CNTN5: variants seen among roughly 807,000 people sequenced by gnomAD.
CNTN5 encodes the protein contactin 5.
A neutral mutation model predicts 129.1 loss-of-function variants in CNTN5; 77 were observed. That is an observed-to-expected ratio of 0.60 (90% CI 0.50 to 0.72). The LOEUF (loss-of-function observed/expected upper bound fraction) is 0.72. Among genes scored for constraint, CNTN5 ranks in the 30% least tolerant of loss-of-function variants. CNTN5 has a pLI of 0.00. For missense variants in CNTN5, 1,478 were observed against 1,328.8 expected (o/e 1.11, Z -1.75); for synonymous variants, 509 against 465.6 (o/e 1.09, Z -1.20).
At chr11:99,612,720 A>G (rs1299788453) in intron 3 of CNTN5, among the ~76,000 whole-genome samples, 4 of 152,208 alleles carry the variant, frequency 2.6e-5, no homozygotes, top group Non-Finnish European at 5.9e-5. Context: ...TATGCATTCA[A>G]TGACTCATTC....
intron 1 of CNTN5, among the ~76,000 whole-genome samples, chr11:99,131,512 A>T (rs938998564): frequency 3.3e-5 from 5 of 152,032 alleles, no homozygotes; most frequent in African/African-American, 1.2e-4. Context: ...AAGTGAGAGT[A>T]ATAAAGAAGA....
chr11:100,035,905 C>T (rs1171611246), intron 9 of CNTN5, among the ~76,000 whole-genome samples: 1 of 152,132 alleles, frequency 6.6e-6, no homozygotes, highest in Non-Finnish European at 1.5e-5. Context: ...AATTTTCTCC[C>T]ATTCTGTAGT....
chr11:99,780,812 A>G (rs76328280), intron 3 of CNTN5, among the ~76,000 whole-genome samples: 1 of 152,102 alleles, frequency 6.6e-6, no homozygotes, highest in African/African-American at 2.4e-5. Flanking sequence ...CACACTGTCA[A>G]TAAATGAGTT....
chr11:99,351,896 C>T (rs1373156133), intron 2 of CNTN5, among the ~76,000 whole-genome samples: 2 of 152,216 alleles, frequency 1.3e-5, no homozygotes, highest in Admixed American at 6.5e-5. Context: ...TAAATACCCA[C>T]TGTGGCTGGA....
intron 1 of CNTN5, among the ~76,000 whole-genome samples, chr11:99,096,456 C>T (rs1285872633): frequency 1.3e-5 from 2 of 151,654 alleles, no homozygotes; most frequent in Non-Finnish European, 3.0e-5. Flanking sequence ...TAATTGTTTC[C>T]TTTTAACTAG....
chr11:99,752,039 ACTTCCAGC>A (rs138143869), intron 3 of CNTN5, among the ~76,000 whole-genome samples: 29,357 of 150,344 alleles, frequency 0.2, 3,654 homozygotes, highest in East Asian at 0.63. Context: ...TTGATTTTGG[ACTTCCAGC>A]CTTCAGAACT....
rs112713845 is a variant in CNTN5 at position 99,476,852 on chromosome 11, T to C, written c.-70-79293T>C. The stretch of plus-strand genomic sequence containing the variant: ...GTTGTAGATATCCTCAACCAACAAG[T>C]GAATGGCTAATTACAATCCGAACTT... On this transcript the variant is annotated intron_variant, in intron 2 of 24. Transcript: ENST00000524871. 9.8e-3 allele frequency among the ~76,000 whole-genome samples: 1,493 copies of C among 152,224 alleles called. 24 individuals are homozygous for C. Among genetic ancestry groups the C allele is most frequent in the African/African-American group, 0.034 (1,394 of 41,546 alleles).
At chr11:99,484,847 A>G (rs561974273) in intron 2 of CNTN5, among the ~76,000 whole-genome samples, 47 of 152,290 alleles carry the variant, frequency 3.1e-4, no homozygotes, top group Admixed American at 8.5e-4. Flanking sequence ...CATACAAACA[A>G]CAACAACAAA....
intron 3 of CNTN5, among the ~76,000 whole-genome samples, chr11:99,702,715 T>C (rs1013794710): frequency 6.6e-6 from 1 of 150,952 alleles, no homozygotes; most frequent in Non-Finnish European, 1.5e-5. Context: ...CATTCTTGTG[T>C]CTTTATATCC....
At chr11:99,289,579 T>C (rs1864081880) in intron 1 of CNTN5, among the ~76,000 whole-genome samples, 1 of 151,790 alleles carries the variant, frequency 6.6e-6, no homozygotes, top group Non-Finnish European at 1.5e-5. Context: ...TCACCTTTTA[T>C]GTATTCAATC....
chr11:99,303,869 T>G (rs1864753621), intron 1 of CNTN5, among the ~76,000 whole-genome samples: 1 of 152,178 alleles, frequency 6.6e-6, no homozygotes, highest in Non-Finnish European at 1.5e-5. Flanking sequence ...TCTTTGAAGA[T>G]TATATTAATC....
At chr11:100,063,423 G>A (rs2137819914) in intron 10 of CNTN5, among the ~76,000 whole-genome samples, 1 of 151,998 alleles carries the variant, frequency 6.6e-6, no homozygotes, top group South Asian at 2.1e-4. Context: ...AGAGAAACTG[G>A]GCTGGCTGGC....
intron 1 of CNTN5, among the ~76,000 whole-genome samples, chr11:99,023,606 T>G (rs1210525537): frequency 1.3e-5 from 2 of 152,202 alleles, no homozygotes; most frequent in African/African-American, 4.8e-5. Context: ...TGTAGAGAGT[T>G]TGATTGGCTA....
intron 7 of CNTN5, among the ~76,000 whole-genome samples, chr11:99,950,387 A>G (rs1950645008): frequency 6.6e-6 from 1 of 152,238 alleles, no homozygotes; most frequent in Non-Finnish European, 1.5e-5. Context: ...AGGCTGAGGC[A>G]GGAGAATGGC....
intron 1 of CNTN5, among the ~76,000 whole-genome samples, chr11:99,041,685 G>C (rs1200930897): frequency 2.6e-5 from 4 of 152,136 alleles, no homozygotes; most frequent in Non-Finnish European, 5.9e-5. Context: ...TAGCAATAAA[G>C]AGCATGCCCC....
chr11:99,173,006 T>C (rs947395114), intron 1 of CNTN5, among the ~76,000 whole-genome samples: 8 of 152,190 alleles, frequency 5.3e-5, no homozygotes, highest in Non-Finnish European at 1.2e-4. Context: ...AAGTCACATC[T>C]TATGTGGATG....
At chr11:99,705,169 G>C (rs1302087475) in intron 3 of CNTN5, among the ~76,000 whole-genome samples, 1 of 151,208 alleles carries the variant, frequency 6.6e-6, no homozygotes, top group Non-Finnish European at 1.5e-5. Context: ...TTCTTATTCT[G>C]TCCTCTTTTC....
At chr11:99,562,043 C>T (rs575129613) in intron 3 of CNTN5, among the ~76,000 whole-genome samples, 2 of 152,162 alleles carry the variant, frequency 1.3e-5, no homozygotes, top group African/African-American at 4.8e-5. Flanking sequence ...TGAGAAGTTG[C>T]CCTTTTGTAA....
chr11:99,719,116 C>G (rs1606274), intron 3 of CNTN5, among the ~76,000 whole-genome samples: 2 of 151,868 alleles, frequency 1.3e-5, no homozygotes, highest in South Asian at 2.1e-4. Context: ...GCCAGGAGTT[C>G]GAGACCACCT....
Sources: gnomAD v4.1 joint callset for allele counts (sites outside exome capture counted in the v4.1 genomes callset) on GRCh38, gnomAD v4.1.1 for gene constraint, MANE v1.5 for transcripts, NCBI Gene and HGNC (gene_info 2026-07-23, HGNC 2026-07-21) for gene names.